ASMTL: variants seen among roughly 807,000 people sequenced by gnomAD.
The protein encoded by ASMTL is probable bifunctional dTTP/UTP pyrophosphatase/methyltransferase protein.
Under a neutral mutation model 60.3 loss-of-function variants are expected in ASMTL, and 57 were observed. The ratio of observed to expected loss-of-function variants is 0.95; its 90% confidence interval spans 0.76 to 1.18. The LOEUF (loss-of-function observed/expected upper bound fraction) is 1.18. Ranked by LOEUF, ASMTL falls within the 50% of genes most tolerant of loss-of-function variation. ASMTL has a pLI of 0.00. For synonymous variants in ASMTL, 419 were observed against 373.0 expected (o/e 1.12, Z -1.42); for missense variants, 981 against 852.6 (o/e 1.15, Z -1.88).
In ASMTL at chrX:1,452,837, C is replaced by A. The variant is rs771020084; in HGVS notation, c.4G>T (p.Val2Leu). The A allele has an allele frequency of 7.6e-6, 12 of 1,579,424 alleles. No homozygotes were observed. The South Asian group carries it at 1.3e-4, about 17-fold the overall frequency. Reference protein sequence around the residue: MVLCPVIGKLLH... With the variant: MLLCPVIGKLLH... ...AGCTTCCCAATCACCGGGCACAGCA[C>A]CATGGCGTCCACGCCGGGAGCCGGG... is the stretch of plus-strand genomic sequence containing the variant. Residue 2 changes from valine (V) to leucine (L), a missense_variant, in exon 1 of 13, where the codon GTG (valine) becomes TTG (leucine). Val to Leu is a conservative substitution (Grantham distance 32, BLOSUM62 1). Transcript: ENST00000381317.
chrX:1,417,094 GAC>G (rs1279043899), intron 11 of ASMTL, among the ~76,000 whole-genome samples: 2 of 149,446 alleles, frequency 1.3e-5, no homozygotes, highest in Admixed American at 6.7e-5. Flanking sequence ...CATAGATGCA[GAC>G]ACACAGACAA....
intron 8 of ASMTL, among the ~76,000 whole-genome samples, chrX:1,422,874 C>T (rs778397506): frequency 6.6e-6 from 1 of 152,266 alleles, no homozygotes; most frequent in East Asian, 1.9e-4. Context: ...AAAGCGTTGT[C>T]AAAAGGAGTT....
intron 1 of ASMTL, among the ~76,000 whole-genome samples, chrX:1,443,966 C>T (rs758843414): frequency 6.6e-6 from 1 of 152,374 alleles, no homozygotes; most frequent in African/African-American, 2.4e-5. Flanking sequence ...GTTGGACACA[C>T]ACTTCCATTT....
chrX:1,428,111 C>CAGCTTTG lies in ASMTL; in HGVS notation c.513_519dup (p.Gly174GlnfsTer69), dbSNP rs1377399631. On this transcript the variant is annotated frameshift_variant, in exon 7 of 13. Coordinates refer to ENST00000381317, the MANE Select transcript of ASMTL (RefSeq NM_004192.4). LOFTEE classifies it high-confidence loss of function. ...CCCAGGGCCTGGATCCCGTAGCCGC[C>CAGCTTTG]AGCTTTGTCCCTGGGTGGGCAGGGG... 5.0e-6 allele frequency: 8 copies of CAGCTTTG among 1,602,954 alleles called. No homozygotes were observed. The highest frequency in any genetic ancestry group is 6.8e-6 in the Non-Finnish European group (8 of 1,171,566).
chrX:1,416,534 C>T (rs752656575), intron 11 of ASMTL, among the ~76,000 whole-genome samples: 1 of 151,956 alleles, frequency 6.6e-6, no homozygotes, highest in Non-Finnish European at 1.5e-5. Context: ...CAGATGGGCA[C>T]ACGCACGGAC....
intron 5 of ASMTL, among the ~76,000 whole-genome samples, chrX:1,434,069 G>A (rs150696128): frequency 1.5e-3 from 234 of 152,240 alleles, no homozygotes; most frequent in South Asian, 8.9e-3. Flanking sequence ...CGCTAACTCC[G>A]ACGGCTACTG....
At chrX:1,424,305 C>A (rs1450269518) in intron 8 of ASMTL, among the ~76,000 whole-genome samples, 26 of 148,662 alleles carry the variant, frequency 1.7e-4, no homozygotes, top group Admixed American at 6.8e-5. Context: ...CCCACCTACC[C>A]ATTCATCCAT....
At position 1,435,718 on chromosome X, in the gene ASMTL, T is replaced by A. The variant is rs1248861758; in HGVS notation, c.314A>T (p.Gln105Leu). ...CCGGGACAGCATCCTGTAGGCGTCCTGCTTGTCCACCGGCTTCTCCAGAAT... is the reference window on the plus strand; with the variant it reads ...CCGGGACAGCATCCTGTAGGCGTCCAGCTTGTCCACCGGCTTCTCCAGAAT... ...GLILEKPVDK[Q>L]DAYRMLSRLS... Residue 105 changes from glutamine (Q) to leucine (L), a missense_variant, in exon 4 of 13, where the codon CAG becomes CTG. Physicochemically the swap from Gln to Leu is moderately radical, Grantham distance 113 (BLOSUM62 -2). Transcript: ENST00000381317. 2 of 1,613,652 alleles carry A rather than the reference T, an allele frequency of 1.2e-6. No homozygotes were observed. The highest frequency in any genetic ancestry group is 2.2e-5 in the South Asian group (2 of 91,052).
At chrX:1,435,160 G>A (rs2090926691) in intron 4 of ASMTL, 77 bp from the exon 5 acceptor site, 1 of 1,497,698 alleles carries the variant, frequency 6.7e-7, no homozygotes. Context: ...TCAAAACCAG[G>A]GGAGGCAGCG....
intron 5 of ASMTL, among the ~76,000 whole-genome samples, chrX:1,434,794 CAAAAA>C (rs35102054): frequency 8.5e-6 from 1 of 117,560 alleles, no homozygotes. Flanking sequence ...GACTCCATCT[CAAAAA>C]AAAAAAAAAA....
chrX:1,413,518 C>T (rs1215075456), intron 11 of ASMTL, among the ~76,000 whole-genome samples: 2 of 152,192 alleles, frequency 1.3e-5, no homozygotes, highest in Admixed American at 1.3e-4. Context: ...GGAGGGTTGC[C>T]TGTTGCGGGG....
At chrX:1,431,578 A>T (rs1388015493) in intron 6 of ASMTL, among the ~76,000 whole-genome samples, 10 of 142,508 alleles carry the variant, frequency 7.0e-5, no homozygotes, top group African/African-American at 2.5e-4. Flanking sequence ...TATATGTAAT[A>T]TAGTATACAT....
intron 3 of ASMTL, among the ~76,000 whole-genome samples, chrX:1,438,641 TA>T (rs2091034677): frequency 6.6e-6 from 1 of 152,158 alleles, no homozygotes; most frequent in Non-Finnish European, 1.5e-5. Flanking sequence ...GCCTCCCGAG[TA>T]GCTGCGATTA....
chrX:1,425,425 G>A, intron 8 of ASMTL, 100 bp downstream of exon 8: 1 of 1,330,004 alleles, frequency 7.5e-7, no homozygotes, highest in South Asian at 1.4e-5. Context: ...GACAGAAGGT[G>A]TGGGCCTCCT....
intron 12 of ASMTL, 65 bp downstream of exon 12, chrX:1,412,667 T>C (rs1205927553): frequency 3.0e-5 from 48 of 1,609,976 alleles, no homozygotes; most frequent in Non-Finnish European, 4.1e-5. Context: ...CCGGCCTCCT[T>C]GTAAAACTTG....
Position 1,403,191 on chromosome X carries a change from C to T in ASMTL, c.*78G>A. 3.4e-6 allele frequency: 4 copies of T among 1,189,170 alleles called. No individual in the cohort carries two copies. Among genetic ancestry groups the T allele is most frequent in the African/African-American group, 1.5e-5 (1 of 66,934 alleles). The allele number at this position is 1,189,170 out of a possible 1,614,324, so 73.7% of individuals were successfully genotyped here. On this transcript the variant is annotated 3_prime_UTR_variant, in exon 13 of 13. Coordinates refer to ENST00000381317, the MANE Select transcript of ASMTL (RefSeq NM_004192.4). ...CGACTACACGCTCCTATGTGACTGT[C>T]CTATGGTACTTGGGGACCGGGCGGT...
chrX:1,431,828 G>C (rs2090797987), intron 6 of ASMTL: 1 of 166,002 alleles, frequency 6.0e-6, no homozygotes, highest in African/African-American at 2.4e-5. Flanking sequence ...ATGAAGTGAA[G>C]CTGATTGGTG....
rs762776039 is a variant in ASMTL, at chrX:1,434,440, T to G, written c.400+582A>C. 3.4e-5 allele frequency among the ~76,000 whole-genome samples: 5 copies of G among 148,236 alleles called. No homozygotes were observed. In the South Asian group the frequency reaches 1.1e-3, roughly 31 times the overall value. On this transcript the variant is annotated intron_variant, in intron 5 of 12. Coordinates refer to ENST00000381317, the MANE Select transcript of ASMTL (RefSeq NM_004192.4). ...AGGAGGTCGAGGCTGCAGTGAGCTATGATCACACCACTGCACTCCAGCCTG... is the reference window on the plus strand; with the variant it reads ...AGGAGGTCGAGGCTGCAGTGAGCTAGGATCACACCACTGCACTCCAGCCTG...
rs1227662653 is a variant in ASMTL at position 1,435,068 on chromosome X, T to C, written c.354A>G (p.Glu118=). The part of the protein sequence containing the change: ...YRMLSRLSGR[E]HSVFTGVAIV... ...TCGCGACACCTGTGAACACGCTGTG[T>C]TCTCTCCCACTCAACCTGTAAGACA... The change falls in exon 5 of 13, where the codon GAA becomes GAG. Residue 118 remains glutamate (E), a synonymous_variant. Coordinates refer to ENST00000381317, the MANE Select transcript of ASMTL (RefSeq NM_004192.4). 3.1e-6 allele frequency: 5 copies of C among 1,613,936 alleles called. No homozygotes were observed. Among genetic ancestry groups the C allele is most frequent in the Non-Finnish European group, 4.2e-6 (5 of 1,179,848 alleles).
Sources: gnomAD v4.1 joint callset for allele counts (sites outside exome capture counted in the v4.1 genomes callset) on GRCh38, gnomAD v4.1.1 for gene constraint, MANE v1.5 for transcripts, NCBI Gene and HGNC (gene_info 2026-07-23, HGNC 2026-07-21) for gene names.